The following KSR1 variants were observed in gnomAD, a reference collection of about 807,000 sequenced individuals.
KSR1 encodes the protein kinase suppressor of ras.
KSR1 carries 35 observed loss-of-function variants against 92.9 expected under a neutral mutation model. The observed-to-expected ratio is 0.38, with a 90% CI of 0.29 to 0.50. KSR1 has a LOEUF of 0.50. KSR1 is among the 20% of genes least tolerant of loss of function. KSR1 has a pLI of 0.94. For synonymous variants in KSR1, 467 were observed against 472.6 expected, an observed-to-expected ratio of 0.99 and a Z score of 0.15; for missense variants, 972 against 1,158.5, an observed-to-expected ratio of 0.84 and a Z score of 2.34.
chr17:27,574,802 G>C (rs1169992000), intron 2 of KSR1, among the ~76,000 whole-genome samples: 3 of 152,228 alleles, frequency 2.0e-5, no homozygotes, highest in Non-Finnish European at 2.9e-5. Flanking sequence ...GAGCTTTATA[G>C]CAGTCATTTG....
chr17:27,507,184 C>T (rs1001676113), intron 1 of KSR1, among the ~76,000 whole-genome samples: 2 of 152,118 alleles, frequency 1.3e-5, no homozygotes, highest in African/African-American at 2.4e-5. Flanking sequence ...CCTATAATTC[C>T]AGCACTTTGG....
intron 7 of KSR1, among the ~76,000 whole-genome samples, chr17:27,591,153 A>G (rs2073152946): frequency 6.6e-6 from 1 of 152,180 alleles, no homozygotes; most frequent in Non-Finnish European, 1.5e-5. Flanking sequence ...TAAGGCCTGG[A>G]GGAATATGAG....
intron 6 of KSR1, among the ~76,000 whole-genome samples, chr17:27,589,021 G>A (rs1396037366): frequency 2.6e-5 from 4 of 152,236 alleles, no homozygotes; most frequent in Admixed American, 6.5e-5. Context: ...GAGACAGCAC[G>A]TGTGCATGTG....
At chr17:27,616,276 T>C (rs550207186) in intron 18 of KSR1, among the ~76,000 whole-genome samples, 16 of 152,360 alleles carry the variant, frequency 1.1e-4, no homozygotes, top group African/African-American at 3.8e-4. Flanking sequence ...TGGTTCTTCT[T>C]AGTGAGCCTA....
chr17:27,462,972 C>T (rs1448992614), intron 1 of KSR1, among the ~76,000 whole-genome samples: 2 of 152,226 alleles, frequency 1.3e-5, no homozygotes, highest in Non-Finnish European at 2.9e-5. Context: ...TTCATCTAAC[C>T]GGTTTCCCTG....
At chr17:27,514,144 A>G (rs748768555) in intron 1 of KSR1, among the ~76,000 whole-genome samples, 7 of 152,288 alleles carry the variant, frequency 4.6e-5, no homozygotes, top group Non-Finnish European at 1.0e-4. Flanking sequence ...GCAAAAACAC[A>G]ATACCAATGA....
Position 27,577,053 on chromosome 17 carries a change from T to G in KSR1, c.373-439T>G, listed in dbSNP as rs2072536698. ...GTGTTTGGTGAGGTTTTTTTGTTTT[T>G]TTTTTTTAAATCCTTCCTTTCTTGA... On this transcript the variant is annotated intron_variant, in intron 2 of 20. Coordinates refer to ENST00000644974, the MANE Select transcript of KSR1 (RefSeq NM_001394583.1). This position sits in a 1 kb window ranked among gnomAD's most constrained non-coding sequence, Gnocchi z 4.5. Among the ~76,000 whole-genome samples the G allele has an allele frequency of 6.6e-6, 1 of 151,682 alleles. No individual in the cohort carries two copies.
At chr17:27,620,872 G>A (rs1417059440) in intron 19 of KSR1, among the ~76,000 whole-genome samples, 1 of 152,200 alleles carries the variant, frequency 6.6e-6, no homozygotes, top group East Asian at 1.9e-4. Flanking sequence ...AGGAAACTGA[G>A]TCACAGATGG....
intron 1 of KSR1, among the ~76,000 whole-genome samples, chr17:27,525,342 G>A (rs553262070): frequency 1.2e-4 from 19 of 152,360 alleles, no homozygotes; most frequent in African/African-American, 4.6e-4. Flanking sequence ...TCTGTGCAGA[G>A]GATGGGATGC....
intron 18 of KSR1, among the ~76,000 whole-genome samples, chr17:27,613,695 A>ATAAAGGTT (rs2073982847): frequency 6.6e-6 from 1 of 152,202 alleles, no homozygotes; most frequent in Non-Finnish European, 1.5e-5. Flanking sequence ...GCCTCCTGCA[A>ATAAAGGTT]CTGTCAGTGG....
chr17:27,620,837 A>G (rs1212834075), intron 19 of KSR1, among the ~76,000 whole-genome samples: 1 of 152,204 alleles, frequency 6.6e-6, no homozygotes, highest in Non-Finnish European at 1.5e-5. Flanking sequence ...AAAACCATAT[A>G]GTCCCACCTT....
intron 1 of KSR1, among the ~76,000 whole-genome samples, chr17:27,538,718 T>G (rs1481354939): frequency 6.6e-6 from 1 of 152,142 alleles, no homozygotes; most frequent in Non-Finnish European, 1.5e-5. Context: ...GGAGCTGATA[T>G]TAGGTGGAGA....
At position 27,577,041 on chromosome 17, in the gene KSR1, T is replaced by A. The variant is rs1455750230; in HGVS notation, c.373-451T>A. ...AGTGCCTCTGCAGTGTTTGGTGAGG[T>A]TTTTTTGTTTTTTTTTTTTAAATCC... On this transcript the variant is annotated intron_variant, in intron 2 of 20. Coordinates refer to ENST00000644974, the MANE Select transcript of KSR1 (RefSeq NM_001394583.1). This position sits in a 1 kb window ranked among gnomAD's most constrained non-coding sequence, Gnocchi z 4.5. Among the ~76,000 whole-genome samples the A allele has an allele frequency of 1.0e-5, 1 of 97,754 alleles. No homozygotes were observed. The highest frequency in any genetic ancestry group is 3.6e-5 in the African/African-American group (1 of 28,128). The allele number at this position is 97,754 out of a possible 152,430, so 64.1% of individuals were successfully genotyped here. A position where few individuals can be genotyped will look rare whatever the true frequency, so the allele number is the denominator to read the frequency against.
intron 9 of KSR1, among the ~76,000 whole-genome samples, chr17:27,595,730 C>T (rs892366640): frequency 1.7e-4 from 26 of 150,578 alleles, no homozygotes; most frequent in Non-Finnish European, 2.9e-5. Flanking sequence ...ATTTCTAGTG[C>T]AGCAGCCCTC....
intron 1 of KSR1, among the ~76,000 whole-genome samples, chr17:27,489,564 C>T (rs557009623): frequency 9.8e-5 from 15 of 152,344 alleles, no homozygotes; most frequent in African/African-American, 3.4e-4. Context: ...AACCCTGGCT[C>T]ATTCTTCCAT....
rs574278855 is a variant in KSR1, at chr17:27,584,859, C to G, written c.981-798C>G. 1.6e-3 allele frequency among the ~76,000 whole-genome samples: 249 copies of G among 152,160 alleles called. 1 individual carries two copies. The highest frequency in any genetic ancestry group is 6.8e-3 in the Middle Eastern group (2 of 294). On this transcript the variant is annotated intron_variant, in intron 4 of 20. Coordinates refer to ENST00000644974, the MANE Select transcript of KSR1 (RefSeq NM_001394583.1). ...GCTCAGGGTGTGTCCCTGCCTGACT[C>G]TCCTTTCAGGGGCTACCTCTGCTCT...
chr17:27,542,481 A>G (rs896098680), intron 1 of KSR1, among the ~76,000 whole-genome samples: 1 of 152,198 alleles, frequency 6.6e-6, no homozygotes, highest in Non-Finnish European at 1.5e-5. Flanking sequence ...GACAACCTAT[A>G]ATAGGCCTTG....
chr17:27,597,199 G>A, intron 9 of KSR1, 69 bp from the exon 10 acceptor site: 2 of 1,487,402 alleles, frequency 1.3e-6, no homozygotes, highest in East Asian at 2.5e-5. Flanking sequence ...GGGGAAGGGA[G>A]GGTGTGGCTG....
rs560133694 is a variant in KSR1 at position 27,556,374 on chromosome 17, C to T, written c.372+5666C>T. 2.0e-5 allele frequency among the ~76,000 whole-genome samples: 3 copies of T among 152,078 alleles called. No individual in the cohort carries two copies. The South Asian group carries it at 6.2e-4, about 32-fold the overall frequency. On this transcript the variant is annotated intron_variant, in intron 2 of 20. Coordinates refer to ENST00000644974, the MANE Select transcript of KSR1 (RefSeq NM_001394583.1). ...GACTGCAGATGTGCGCACCACTGCA[C>T]CTGGCTATATATATATTTTAATTTT...
Sources: allele counts gnomAD v4.1 joint callset (sites outside exome capture counted in the v4.1 genomes callset), GRCh38; gene constraint gnomAD v4.1.1; non-coding constraint Gnocchi (gnomAD v3.1); transcripts MANE v1.5; gene names NCBI Gene and HGNC (gene_info 2026-07-23, HGNC 2026-07-21).